Variants in TXNRD1 observed in about 807,000 individuals in gnomAD.
TXNRD1 encodes the protein thioredoxin reductase 1.
In TXNRD1, 57 loss-of-function variants were observed where a neutral mutation model predicts 80.3. The observed-to-expected ratio is 0.71, with a 90% CI of 0.57 to 0.89. The LOEUF (loss-of-function observed/expected upper bound fraction) is 0.89, where lower values mean the gene tolerates loss of function less well. Ranked by LOEUF, TXNRD1 falls within the 40% of genes least tolerant of loss-of-function variation. The pLI, the probability that TXNRD1 is intolerant of heterozygous loss-of-function variation, is 0.00. For synonymous variants in TXNRD1, 291 were observed against 285.2 expected, an observed-to-expected ratio of 1.02 and a Z score of -0.20; for missense variants, 730 against 803.0, an observed-to-expected ratio of 0.91 and a Z score of 1.10.
chr12:104,273,215 C>T (rs1195038779), intron 3 of TXNRD1, among the ~76,000 whole-genome samples: 1 of 152,164 alleles, frequency 6.6e-6, no homozygotes, highest in Non-Finnish European at 1.5e-5. Flanking sequence ...GTGGAGCCGG[C>T]AGCCCACGGC....
At position 104,331,627 on chromosome 12, in the gene TXNRD1, G is replaced by A; in HGVS notation, c.1636G>A (p.Glu546Lys). ...GGAGAAAGCTGTGGAGAAGTTTGGG[G>A]AAGAAAATATTGAGGTAAGTTCTTT... ...SEEKAVEKFG[E>K]ENIEVYHSYF... is the part of the protein sequence containing the mutation. Residue 546 changes from glutamate to lysine, a missense_variant, in exon 14 of 17, where the codon GAA (glutamate) becomes AAA (lysine). Glu to Lys is a moderately conservative substitution (Grantham distance 56). Coordinates refer to ENST00000525566, the MANE Select transcript of TXNRD1 (RefSeq NM_001093771.3). 3.7e-6 allele frequency: 6 copies of A among 1,610,578 alleles called. No homozygotes were observed. Among genetic ancestry groups the A allele is most frequent in the Non-Finnish European group, 5.1e-6 (6 of 1,177,610 alleles).
At chr12:104,231,818 C>G (rs2032631063) in intron 1 of TXNRD1, among the ~76,000 whole-genome samples, 1 of 152,184 alleles carries the variant, frequency 6.6e-6, no homozygotes, top group Non-Finnish European at 1.5e-5. Context: ...TTACGTTACC[C>G]ATCCCTTTTT....
intron 6 of TXNRD1, among the ~76,000 whole-genome samples, chr12:104,315,293 T>TA (rs1321331026): frequency 6.6e-6 from 1 of 152,208 alleles, no homozygotes; most frequent in Non-Finnish European, 1.5e-5. Context: ...TCCGAAAACT[T>TA]ACATTAACCT....
chr12:104,221,636 TA>T (rs756031217), intron 1 of TXNRD1, among the ~76,000 whole-genome samples: 44 of 152,288 alleles, frequency 2.9e-4, no homozygotes, highest in African/African-American at 2.4e-4. Context: ...GTTTTAGTGG[TA>T]GTGCAGTGGT....
chr12:104,313,042 A>C (rs868706641), intron 5 of TXNRD1, among the ~76,000 whole-genome samples: 1 of 152,312 alleles, frequency 6.6e-6, no homozygotes, highest in Middle Eastern at 3.4e-3. Flanking sequence ...TAATTTTAAA[A>C]TCTACTCTCA....
chr12:104,333,073 A>T (rs956083816), intron 14 of TXNRD1, among the ~76,000 whole-genome samples: 2 of 151,510 alleles, frequency 1.3e-5, no homozygotes, highest in Non-Finnish European at 2.9e-5. Flanking sequence ...ATCTCCATTT[A>T]AAAAAAATGT....
chr12:104,340,716 C>G (rs536395739), intron 16 of TXNRD1, among the ~76,000 whole-genome samples: 1 of 152,296 alleles, frequency 6.6e-6, no homozygotes, highest in South Asian at 2.1e-4. Flanking sequence ...TTAGGGCCCA[C>G]TCTAATCCAA....
intron 15 of TXNRD1, among the ~76,000 whole-genome samples, chr12:104,335,325 C>G (rs141590211): frequency 1.3e-5 from 2 of 151,720 alleles, no homozygotes; most frequent in East Asian, 3.9e-4. Context: ...CCTCAGCCTC[C>G]CAAGTAGCTG....
At chr12:104,225,536 A>G (rs1031058882) in intron 1 of TXNRD1, among the ~76,000 whole-genome samples, 1 of 152,136 alleles carries the variant, frequency 6.6e-6, no homozygotes, top group Non-Finnish European at 1.5e-5. Flanking sequence ...GGTTTCTGCC[A>G]TGCCTGTTCT....
chr12:104,244,075 C>T (rs1227745115), intron 1 of TXNRD1, among the ~76,000 whole-genome samples: 1 of 152,222 alleles, frequency 6.6e-6, no homozygotes, highest in Non-Finnish European at 1.5e-5. Flanking sequence ...TGTTGTCAAA[C>T]TAGAGCTTCT....
intron 4 of TXNRD1, among the ~76,000 whole-genome samples, chr12:104,291,274 T>C (rs10778319): frequency 0.84 from 122,096 of 145,968 alleles, 51,201 homozygotes; most frequent in Non-Finnish European, 0.86. Context: ...GATCTTGGCT[T>C]ACCGCAACCT....
chr12:104,224,174 T>C (rs1657572402), intron 1 of TXNRD1, among the ~76,000 whole-genome samples: 1 of 152,190 alleles, frequency 6.6e-6, no homozygotes, highest in Admixed American at 6.5e-5. Context: ...ATGGTTGTTC[T>C]CTTTTACCTA....
intron 16 of TXNRD1, among the ~76,000 whole-genome samples, chr12:104,341,282 A>T (rs1593881295): frequency 6.6e-6 from 1 of 152,314 alleles, no homozygotes; most frequent in East Asian, 1.9e-4. Context: ...TAGGACTCTG[A>T]TACTTTGTTT....
chr12:104,217,566 C>T (rs1444534718), intron 1 of TXNRD1, among the ~76,000 whole-genome samples: 1 of 152,008 alleles, frequency 6.6e-6, no homozygotes, highest in African/African-American at 2.4e-5. Context: ...CACCTCAGCT[C>T]CCCAAAGTGC....
rs557647646 is a variant in TXNRD1 at position 104,288,268 on chromosome 12, T to C, written c.305-663T>C. 2.2e-3 allele frequency among the ~76,000 whole-genome samples: 337 copies of C among 152,368 alleles called. 1 individual carries two copies. Among genetic ancestry groups the C allele is most frequent in the African/African-American group, 7.6e-3 (317 of 41,596 alleles). On this transcript the variant is annotated intron_variant, in intron 3 of 16. Coordinates refer to ENST00000525566, the MANE Select transcript of TXNRD1 (RefSeq NM_001093771.3). ...CCTCCCAAATAAGCAGCTATACTTTTGAATGTTGGCGTGATTTATGTCTAA... is the reference window on the plus strand; with the variant it reads ...CCTCCCAAATAAGCAGCTATACTTTCGAATGTTGGCGTGATTTATGTCTAA...
chr12:104,261,809 T>G (rs2033373611), intron 3 of TXNRD1, among the ~76,000 whole-genome samples: 1 of 152,074 alleles, frequency 6.6e-6, no homozygotes, highest in Non-Finnish European at 1.5e-5. Context: ...TGAGCAAAGG[T>G]GCAATCTCAG....
intron 16 of TXNRD1, among the ~76,000 whole-genome samples, chr12:104,347,852 G>T (rs142253418): frequency 2.6e-5 from 4 of 152,116 alleles, no homozygotes; most frequent in Non-Finnish European, 4.4e-5. Context: ...AAAAAGCAGG[G>T]TAACAAAAGA....
rs186284015 is a variant in TXNRD1, at chr12:104,343,902, A to G, written c.1882-4451A>G. Among the ~76,000 whole-genome samples, 60 of 151,934 alleles carry G rather than the reference A, an allele frequency of 3.9e-4. 1 individual carries two copies. The highest frequency in any genetic ancestry group is 1.3e-3 in the African/African-American group (52 of 41,444). On this transcript the variant is annotated intron_variant, in intron 16 of 16. Coordinates refer to ENST00000525566, the MANE Select transcript of TXNRD1 (RefSeq NM_001093771.3). ...GCAGATCATCTGAGGTCAGGAGTTC[A>G]AGACCAGCCTGGCCAACATGGCAAA...
At chr12:104,335,922 CA>C (rs1353269155) in intron 15 of TXNRD1, among the ~76,000 whole-genome samples, 1 of 152,028 alleles carries the variant, frequency 6.6e-6, no homozygotes, top group East Asian at 1.9e-4. Context: ...GAATCCTCTG[CA>C]AAAAAGATTC....
Sources: allele counts gnomAD v4.1 joint callset (sites outside exome capture counted in the v4.1 genomes callset), GRCh38; gene constraint gnomAD v4.1.1; transcripts MANE v1.5; gene names NCBI Gene and HGNC (gene_info 2026-07-23, HGNC 2026-07-21).